CALCR: variants seen among roughly 807,000 people sequenced by gnomAD.
CALCR encodes calcitonin receptor.
Under a neutral mutation model 59.5 loss-of-function variants are expected in CALCR, and 47 were observed. The observed-to-expected ratio is 0.79, with a 90% CI of 0.63 to 1.01. The LOEUF is 1.01. Ranked by LOEUF, CALCR falls within the 50% of genes least tolerant of loss-of-function variation. The probability of loss-of-function intolerance (pLI) is 0.00; values close to 1 mark genes in which losing one functional copy is unlikely to be tolerated. For missense variants in CALCR, 566 were observed against 597.1 expected (o/e 0.95, Z 0.54); for synonymous variants, 213 against 211.3 (o/e 1.01, Z -0.07).
chr7:93,435,985 A>C lies in CALCR; in HGVS notation c.1116T>G (p.Tyr372Ter), dbSNP rs144245011. 1 of 1,612,990 alleles carries C rather than the reference A, an allele frequency of 6.2e-7. No individual in the cohort carries two copies. The highest frequency in any genetic ancestry group is 8.5e-7 in the Non-Finnish European group (1 of 1,179,158). Residue 372 changes from tyrosine to a stop codon, truncating the protein, a stop_gained, in exon 12 of 14, where the codon TAT becomes TAG. Coordinates refer to ENST00000426151, the MANE Select transcript of CALCR (RefSeq NM_001742.4). LOFTEE classifies it high-confidence loss of function. The part of the protein sequence containing the change: ...RPSNKMLGKI[Y>*]DYVMHSLIHF... ...GAATCAGAGAGTGCATCACGTAATCATATATCTTCCCAAGCATCTTGTTGG... is the reference window on the plus strand; with the variant it reads ...GAATCAGAGAGTGCATCACGTAATCCTATATCTTCCCAAGCATCTTGTTGG...
intron 8 of CALCR, among the ~76,000 whole-genome samples, chr7:93,450,025 G>A (rs1232553707): frequency 6.6e-6 from 1 of 152,040 alleles, no homozygotes; most frequent in Admixed American, 6.6e-5. Context: ...GGCTGCCCAA[G>A]GGGCATGTGA....
Position 93,424,881 on chromosome 7 carries a change from A to ATAAT in CALCR, c.*1471_*1474dup, listed in dbSNP as rs1351302446. 6.6e-6 allele frequency: 1 copy of ATAAT among 152,600 alleles called. No individual in the cohort carries two copies. The highest frequency in any genetic ancestry group is 2.4e-5 in the African/African-American group (1 of 41,454). 9.5% of individuals were successfully genotyped at this position (152,600 alleles called of 1,614,324 possible). ...CCAAATTCATTTTCTCTGTAGAAAT[A>ATAAT]TAATTAATTTTCTCTGGGTGCGCTA... On this transcript the variant is annotated 3_prime_UTR_variant, in exon 14 of 14. Transcript: ENST00000426151.
At chr7:93,478,614 G>A (rs1019357749) in intron 4 of CALCR, among the ~76,000 whole-genome samples, 7 of 138,070 alleles carry the variant, frequency 5.1e-5, no homozygotes, top group African/African-American at 1.9e-4. Flanking sequence ...CGTCCTGGGC[G>A]AGAGAGTGAG....
chr7:93,430,182 G>A (rs780360817), intron 13 of CALCR, among the ~76,000 whole-genome samples: 9 of 151,972 alleles, frequency 5.9e-5, no homozygotes, highest in Non-Finnish European at 8.8e-5. Context: ...TGATCCAGCC[G>A]CCTTGGCCTC....
chr7:93,473,357 A>G (rs1426657806), intron 5 of CALCR, among the ~76,000 whole-genome samples: 1 of 151,808 alleles, frequency 6.6e-6, no homozygotes. Context: ...AGCAGGTAGA[A>G]AGGTCAGGAA....
chr7:93,441,023 A>G (rs948679713), intron 9 of CALCR, among the ~76,000 whole-genome samples: 2 of 151,700 alleles, frequency 1.3e-5, no homozygotes, highest in Non-Finnish European at 2.9e-5. Context: ...TTTTCCTTTG[A>G]ATTGTTTATG....
intron 2 of CALCR, among the ~76,000 whole-genome samples, chr7:93,562,728 T>TA (rs1159212415): frequency 6.6e-6 from 1 of 152,124 alleles, no homozygotes; most frequent in Non-Finnish European, 1.5e-5. Context: ...AACAAATAGA[T>TA]AAAATCAGCC....
chr7:93,473,253 T>C (rs1447693474), intron 5 of CALCR, among the ~76,000 whole-genome samples: 4 of 151,866 alleles, frequency 2.6e-5, no homozygotes, highest in African/African-American at 9.7e-5. Flanking sequence ...GCTCAGCACT[T>C]TGCAGAATTA....
intron 5 of CALCR, among the ~76,000 whole-genome samples, chr7:93,476,410 A>C (rs539788919): frequency 2.3e-4 from 35 of 151,898 alleles, no homozygotes; most frequent in Non-Finnish European, 4.9e-4. Flanking sequence ...GAAAATCCTG[A>C]AGAATTTAAG....
intron 11 of CALCR, among the ~76,000 whole-genome samples, chr7:93,436,871 T>C (rs1187395644): frequency 1.3e-5 from 2 of 152,152 alleles, no homozygotes; most frequent in African/African-American, 4.8e-5. Context: ...ATGTTTGATA[T>C]TTTTTCTGTA....
chr7:93,569,213 G>C (rs910433086), intron 2 of CALCR, among the ~76,000 whole-genome samples: 1 of 151,290 alleles, frequency 6.6e-6, no homozygotes, highest in Non-Finnish European at 1.5e-5. Flanking sequence ...TTTTCCACCA[G>C]AGAGATCTAC....
chr7:93,426,374 C>T lies in CALCR; in HGVS notation c.1407G>A (p.Glu469=). Residue 469 remains glutamate, a synonymous_variant, in exon 14 of 14, where the codon GAG becomes GAA. Transcript: ENST00000426151. ...SAEIIPLNII[E]QESSA The stretch of plus-strand genomic sequence containing the variant: ...TTCACATTCAAGCAGATGACTCTTG[C>T]TCTATGATATTCAAAGGGATGATCT... The T allele has an allele frequency of 1.9e-6, 3 of 1,603,030 alleles. No homozygotes were observed. The highest frequency in any genetic ancestry group is 2.6e-6 in the Non-Finnish European group (3 of 1,170,062).
chr7:93,476,554 A>G (rs1166404611), intron 5 of CALCR, among the ~76,000 whole-genome samples: 1 of 151,900 alleles, frequency 6.6e-6, no homozygotes, highest in African/African-American at 2.4e-5. Context: ...TTTCTGTATA[A>G]GAACCAGGCT....
At position 93,460,955 on chromosome 7, in the gene CALCR, A is replaced by G. The variant is rs1163122936; in HGVS notation, c.522-8T>C. On this transcript the variant is annotated splice_polypyrimidine_tract_variant and splice_region_variant and intron_variant, in intron 7 of 13. Coordinates refer to ENST00000426151, the MANE Select transcript of CALCR (RefSeq NM_001742.4). Reference sequence around the variant, plus strand: ...CTTTGGCAGCCAAGGCTCCTGGAAGAAAAAGTAACATAAAGCATTAACCAG... The same window carrying G: ...CTTTGGCAGCCAAGGCTCCTGGAAGGAAAAGTAACATAAAGCATTAACCAG... The G allele has an allele frequency of 2.5e-6, 4 of 1,605,958 alleles. No individual in the cohort carries two copies. In the Admixed American group the frequency reaches 6.9e-5, roughly 28 times the overall value.
At chr7:93,514,418 T>C (rs1313969798) in intron 2 of CALCR, among the ~76,000 whole-genome samples, 1 of 152,024 alleles carries the variant, frequency 6.6e-6, no homozygotes, top group Admixed American at 6.6e-5. Flanking sequence ...TGCTGAGGAA[T>C]TCCAGTCAGT....
At chr7:93,529,988 A>G (rs1221950643) in intron 2 of CALCR, among the ~76,000 whole-genome samples, 1 of 152,094 alleles carries the variant, frequency 6.6e-6, no homozygotes, top group Non-Finnish European at 1.5e-5. Context: ...ATTGCTCTTT[A>G]TTGTACTCCA....
At chr7:93,483,241 T>C (rs908800755) in intron 3 of CALCR, among the ~76,000 whole-genome samples, 3 of 151,752 alleles carry the variant, frequency 2.0e-5, no homozygotes, top group African/African-American at 4.8e-5. Flanking sequence ...TATTTATACC[T>C]AGTACAATGT....
chr7:93,460,379 C>A (rs1482649925), intron 8 of CALCR, among the ~76,000 whole-genome samples: 1 of 151,080 alleles, frequency 6.6e-6, no homozygotes, highest in Non-Finnish European at 1.5e-5. Context: ...TATGGTGAAA[C>A]CCCGTTTCTA....
intron 2 of CALCR, among the ~76,000 whole-genome samples, chr7:93,501,823 C>A (rs953512601): frequency 1.3e-5 from 2 of 152,030 alleles, no homozygotes; most frequent in Admixed American, 6.6e-5. Flanking sequence ...CTAAAGGAAC[C>A]CTGACTAACA....
Sources: allele counts gnomAD v4.1 joint callset (sites outside exome capture counted in the v4.1 genomes callset), GRCh38; gene constraint gnomAD v4.1.1; transcripts MANE v1.5; gene names NCBI Gene and HGNC (gene_info 2026-07-23, HGNC 2026-07-21).